The following POLD3 variants were observed in gnomAD, a reference collection of about 807,000 sequenced individuals.
The protein encoded by POLD3 is DNA polymerase delta subunit 3.
In POLD3, 19 loss-of-function variants were observed where a neutral mutation model predicts 58.2. The observed-to-expected ratio is 0.33, with a 90% confidence interval of 0.23 to 0.48. POLD3 has a LOEUF of 0.48. Ranked by LOEUF, POLD3 falls within the 20% of genes least tolerant of loss-of-function variation. The probability of loss-of-function intolerance (pLI) is 0.99; values close to 1 mark genes in which losing one functional copy is unlikely to be tolerated. For synonymous variants in POLD3, 172 were observed against 193.5 expected (o/e 0.89, Z 0.92); for missense variants, 504 against 545.5 (o/e 0.92, Z 0.76).
At chr11:74,597,267 T>C (rs1293839638) in intron 2 of POLD3, among the ~76,000 whole-genome samples, 9 of 152,216 alleles carry the variant, frequency 5.9e-5, no homozygotes, top group Admixed American at 5.9e-4. Flanking sequence ...CTTTTTGATG[T>C]GTTGCTTGTG....
chr11:74,602,140 C>T (rs147221343), intron 2 of POLD3, among the ~76,000 whole-genome samples: 395 of 151,976 alleles, frequency 2.6e-3, no homozygotes, highest in Middle Eastern at 6.8e-3. Flanking sequence ...CATGGGGTCT[C>T]GCTATATTGC....
At chr11:74,664,170 C>T (rs1192757034) in intron 4 of POLD3, among the ~76,000 whole-genome samples, 3 of 152,210 alleles carry the variant, frequency 2.0e-5, no homozygotes, top group Non-Finnish European at 4.4e-5. Flanking sequence ...AAGCAAAAGT[C>T]TCATACGTTG....
chr11:74,647,952 C>G (rs762547639), downstream of POLD3, among the ~76,000 whole-genome samples: 4 of 152,162 alleles, frequency 2.6e-5, no homozygotes, highest in Non-Finnish European at 5.9e-5. Flanking sequence ...TACACTTTCT[C>G]TAATCCTCAC....
chr11:74,655,146 T>C (rs961575697), intron 4 of POLD3, among the ~76,000 whole-genome samples: 1 of 152,252 alleles, frequency 6.6e-6, no homozygotes, highest in African/African-American at 2.4e-5. Flanking sequence ...ATGTGTGACA[T>C]TGTGGAAAGT....
intron 5 of POLD3, among the ~76,000 whole-genome samples, chr11:74,613,781 G>C (rs569720240): frequency 3.3e-5 from 5 of 152,136 alleles, no homozygotes; most frequent in Non-Finnish European, 7.3e-5. Flanking sequence ...ATGTGCCCGC[G>C]TACCTTTTCA....
intron 3 of POLD3, among the ~76,000 whole-genome samples, chr11:74,610,351 C>T (rs554456399): frequency 1.3e-5 from 2 of 152,168 alleles, no homozygotes; most frequent in African/African-American, 4.8e-5. Flanking sequence ...GCTGGGACTA[C>T]AGGCATGCAC....
chr11:74,637,054 T>C (rs1271125804), intron 11 of POLD3, among the ~76,000 whole-genome samples: 1 of 152,200 alleles, frequency 6.6e-6, no homozygotes, highest in Non-Finnish European at 1.5e-5. Context: ...GGGTTTAGGC[T>C]CTTACCTTTG....
In POLD3 at chr11:74,640,697, G is replaced by A; in HGVS notation, c.1332G>A (p.Lys444=). ...KEPREERKGP[K]KGTAALGKAN... ...CCAGAGAGGAACGAAAGGGCCCCAA[G>A]AAAGGGACTGCTGCTCTGGGCAAAG... The change falls in exon 12 of 12, where the codon AAG becomes AAA. Residue 444 remains lysine, a synonymous_variant. Transcript: ENST00000263681. 1 of 1,613,122 alleles carries A rather than the reference G, an allele frequency of 6.2e-7. No individual in the cohort carries two copies. Among genetic ancestry groups the A allele is most frequent in the Non-Finnish European group, 8.5e-7 (1 of 1,179,586 alleles).
rs567678361 is a variant in POLD3 at position 74,626,889 on chromosome 11, C to T, written c.899+1316C>T. On this transcript the variant is annotated intron_variant, in intron 8 of 11. Coordinates refer to ENST00000263681, the MANE Select transcript of POLD3 (RefSeq NM_006591.3). ...ACATGGTAGCGCAACACATTCCTCA[C>T]GTGTTTGTGATGATGCTGGTATAAA... Among the ~76,000 whole-genome samples, 3 of 152,190 alleles carry T rather than the reference C, an allele frequency of 2.0e-5. No homozygotes were observed. The East Asian group carries it at 5.8e-4, about 29-fold the overall frequency.
intron 7 of POLD3, 114 bp from the exon 8 acceptor site, chr11:74,625,294 T>G (rs1457264705): frequency 4.1e-6 from 3 of 734,866 alleles, no homozygotes; most frequent in Non-Finnish European, 6.6e-6. Flanking sequence ...GTCCATGAGC[T>G]CCTTTTTGCC....
intron 9 of POLD3, among the ~76,000 whole-genome samples, chr11:74,633,890 A>C (rs1240363452): frequency 6.6e-6 from 1 of 152,204 alleles, no homozygotes; most frequent in Non-Finnish European, 1.5e-5. Flanking sequence ...AAATAATGAT[A>C]ATTGTTTAAA....
At chr11:74,624,995 C>T (rs1319924974) in intron 7 of POLD3, among the ~76,000 whole-genome samples, 1 of 152,090 alleles carries the variant, frequency 6.6e-6, no homozygotes, top group Non-Finnish European at 1.5e-5. Flanking sequence ...TAAGGGTATC[C>T]AGGCATTAAA....
chr11:74,637,806 C>CTTT (rs11354555), intron 11 of POLD3, among the ~76,000 whole-genome samples: 1 of 143,810 alleles, frequency 7.0e-6, no homozygotes. Flanking sequence ...TCACATTGCA[C>CTTT]TTTTTTTTTT....
intron 4 of POLD3, chr11:74,652,611 G>T (rs7934301): frequency 6.6e-6 from 1 of 152,118 alleles, no homozygotes; most frequent in Non-Finnish European, 1.5e-5. Context: ...GAAAACTCCC[G>T]AAGGCATTGT....
At chr11:74,610,254 A>G (rs2031864193) in intron 3 of POLD3, among the ~76,000 whole-genome samples, 1 of 147,730 alleles carries the variant, frequency 6.8e-6, no homozygotes, top group African/African-American at 2.5e-5. Context: ...CTCTGTCACC[A>G]GGCTGGAGTG....
chr11:74,653,482 C>T (rs6592578), intron 4 of POLD3, among the ~76,000 whole-genome samples: 124,540 of 152,176 alleles, frequency 0.82, 51,139 homozygotes, highest in Middle Eastern at 0.94. Flanking sequence ...TTTTAAACAA[C>T]TTAACTGTTT....
chr11:74,621,752 C>T (rs1422911682), intron 7 of POLD3, among the ~76,000 whole-genome samples: 1 of 152,058 alleles, frequency 6.6e-6, no homozygotes, highest in Non-Finnish European at 1.5e-5. Flanking sequence ...CATGGTGGTA[C>T]GTGCCTGTAA....
Position 74,642,038 on chromosome 11 carries a change from G to A in POLD3, c.*1272G>A. ...CAGTGAGCTCTGCGGAAGGGGTCAG[G>A]CTCAACTGCTGATGTGTCTCACACG... is the stretch of plus-strand genomic sequence containing the variant. On this transcript the variant is annotated 3_prime_UTR_variant, in exon 12 of 12. Transcript: ENST00000263681. The A allele has an allele frequency of 1.0e-6, 1 of 985,458 alleles. No homozygotes were observed. The highest frequency in any genetic ancestry group is 1.2e-6 in the Non-Finnish European group (1 of 829,946). 61.0% of individuals were successfully genotyped at this position (985,458 alleles called of 1,614,324 possible).
At position 74,652,402 on chromosome 11, in the gene POLD3, G is replaced by A. The variant is rs139432982; in HGVS notation, c.369+16127G>A. Among the ~76,000 whole-genome samples, 27 of 152,266 alleles carry A rather than the reference G, an allele frequency of 1.8e-4. No homozygotes were observed. The East Asian group carries it at 2.1e-3, about 12-fold the overall frequency. On this transcript the variant is annotated intron_variant, in intron 4 of 4. Transcript: ENST00000524752. ...GCCAACTTGTCTTCCCAAAGGTTGC[G>A]TATCATCATCAGTATATGACAGTGA...
Sources: gnomAD v4.1 joint callset for allele counts (sites outside exome capture counted in the v4.1 genomes callset) on GRCh38, gnomAD v4.1.1 for gene constraint, MANE v1.5 for transcripts, NCBI Gene and HGNC (gene_info 2026-07-23, HGNC 2026-07-21) for gene names.